The following RALGAPA1 variants were observed in gnomAD, a reference collection of about 807,000 sequenced individuals.
RALGAPA1 encodes Ral GTPase activating protein catalytic subunit alpha 1, also known as ral GTPase-activating protein subunit alpha-1.
In RALGAPA1, 52 loss-of-function variants were observed where a neutral mutation model predicts 269.6. The ratio of observed to expected loss-of-function variants is 0.19; its 90% CI spans 0.15 to 0.24. The LOEUF is 0.24. RALGAPA1 is among the 10% of genes least tolerant of loss of function. The pLI is 1.00. For synonymous variants in RALGAPA1, 817 were observed against 1,008.3 expected (o/e 0.81, Z 3.60); for missense variants, 1,917 against 3,013.9 (o/e 0.64, Z 8.52).
At chr14:35,670,775 TA>T (rs2064341786) in intron 26 of RALGAPA1, among the ~76,000 whole-genome samples, 1 of 152,038 alleles carries the variant, frequency 6.6e-6, no homozygotes, top group Admixed American at 6.6e-5. Flanking sequence ...ATAGAAAAAT[TA>T]GCTGGGTGTG....
chr14:35,708,030 A>G (rs1330323903), intron 16 of RALGAPA1, among the ~76,000 whole-genome samples: 3 of 152,274 alleles, frequency 2.0e-5, no homozygotes, highest in Non-Finnish European at 4.4e-5. Context: ...AGTATCTTCA[A>G]TAAATGGTGC....
chr14:35,796,787 C>T (rs954364003), intron 1 of RALGAPA1, among the ~76,000 whole-genome samples: 17 of 150,388 alleles, frequency 1.1e-4, no homozygotes, highest in Admixed American at 1.1e-3. Context: ...ACAAAAGTAT[C>T]CTTTTTTTTT....
In RALGAPA1 at chr14:35,683,918, A is replaced by G; in HGVS notation, c.4362T>C (p.His1454=). ...SADVDSGSGH[H]QSAEEQEVAS... is the part of the protein sequence containing the mutation. ...CCACTTCCTGCTCTTCAGCACTCTG[A>G]TGATGGCCAGAACCTGAATCCACAT... The change falls in exon 21 of 42, where the codon CAT becomes CAC. Residue 1454 remains histidine (H), a synonymous_variant. Transcript: ENST00000680220. 1.2e-6 allele frequency: 2 copies of G among 1,613,688 alleles called. No homozygotes were observed. Among genetic ancestry groups the G allele is most frequent in the Non-Finnish European group, 1.7e-6 (2 of 1,179,728 alleles).
chr14:35,568,810 A>G (rs1416814308), intron 39 of RALGAPA1, among the ~76,000 whole-genome samples: 2 of 152,236 alleles, frequency 1.3e-5, no homozygotes, highest in East Asian at 3.8e-4. Flanking sequence ...CAGACTGTAT[A>G]GTCAAAGACA....
intron 17 of RALGAPA1, among the ~76,000 whole-genome samples, chr14:35,697,325 A>G (rs944768560): frequency 2.0e-5 from 3 of 151,362 alleles, no homozygotes; most frequent in African/African-American, 4.9e-5. Context: ...TCAATTATAA[A>G]CAGTGTTTTT....
At chr14:35,553,440 T>C (rs927177829) in intron 39 of RALGAPA1, among the ~76,000 whole-genome samples, 4 of 152,282 alleles carry the variant, frequency 2.6e-5, no homozygotes, top group South Asian at 4.1e-4. Context: ...CATAAAAGAA[T>C]AGATAAAGGT....
intron 16 of RALGAPA1, among the ~76,000 whole-genome samples, chr14:35,718,318 A>G (rs1358239215): frequency 6.6e-6 from 1 of 152,174 alleles, no homozygotes; most frequent in Non-Finnish European, 1.5e-5. Flanking sequence ...TTTCATTCAC[A>G]TATGTAAAGC....
At chr14:35,672,490 A>G (rs2064549167) in intron 25 of RALGAPA1, among the ~76,000 whole-genome samples, 1 of 151,870 alleles carries the variant, frequency 6.6e-6, no homozygotes, top group Non-Finnish European at 1.5e-5. Context: ...TGACTGTTGC[A>G]TAACTAGATA....
chr14:35,569,072 A>G (rs1455491665), intron 39 of RALGAPA1, among the ~76,000 whole-genome samples: 6 of 152,238 alleles, frequency 3.9e-5, no homozygotes, highest in Non-Finnish European at 8.8e-5. Context: ...AGCTTAATCA[A>G]TGTAACATAC....
At chr14:35,661,499 AG>A (rs539687548) in intron 27 of RALGAPA1, among the ~76,000 whole-genome samples, 283 of 152,312 alleles carry the variant, frequency 1.9e-3, no homozygotes, top group Non-Finnish European at 2.5e-3. Flanking sequence ...AAGTAAATCA[AG>A]ATAGATTTGT....
At chr14:35,762,866 T>C in intron 4 of RALGAPA1, 113 bp from the exon 5 acceptor site, 1 of 673,438 alleles carries the variant, frequency 1.5e-6, no homozygotes, top group East Asian at 2.7e-5. Flanking sequence ...CTCCAAATTA[T>C]TCTTGGTGAC....
chr14:35,594,948 A>G (rs2058842275), intron 37 of RALGAPA1, among the ~76,000 whole-genome samples: 1 of 152,070 alleles, frequency 6.6e-6, no homozygotes, highest in African/African-American at 2.4e-5. Flanking sequence ...CATACAATGT[A>G]ATATTATTCA....
At chr14:35,592,191 C>T (rs1309487644) in intron 37 of RALGAPA1, among the ~76,000 whole-genome samples, 3 of 151,680 alleles carry the variant, frequency 2.0e-5, no homozygotes, top group Non-Finnish European at 4.4e-5. Flanking sequence ...GACATTACAA[C>T]AGGCACTTCA....
intron 1 of RALGAPA1, among the ~76,000 whole-genome samples, chr14:35,782,918 C>T (rs1304780978): frequency 6.6e-6 from 1 of 151,996 alleles, no homozygotes; most frequent in East Asian, 1.9e-4. Context: ...ACCTCCCAGA[C>T]TCAAGCAATC....
chr14:35,640,240 G>T (rs1201472520), intron 31 of RALGAPA1, among the ~76,000 whole-genome samples: 1 of 151,842 alleles, frequency 6.6e-6, no homozygotes, highest in Non-Finnish European at 1.5e-5. Context: ...GATCAGAGCA[G>T]AAATGAATAA....
chr14:35,765,290 C>T (rs982339734), intron 4 of RALGAPA1, among the ~76,000 whole-genome samples: 9 of 151,816 alleles, frequency 5.9e-5, no homozygotes, highest in South Asian at 2.1e-4. Context: ...CCTCTTGGTC[C>T]GATTTGTTAT....
intron 40 of RALGAPA1, among the ~76,000 whole-genome samples, 154 bp downstream of exon 40, chr14:35,548,956 T>C (rs1224926983): frequency 2.6e-5 from 4 of 152,146 alleles, no homozygotes; most frequent in Non-Finnish European, 4.4e-5. Flanking sequence ...AAAGAAACCA[T>C]AAATCAAATT....
At chr14:35,713,547 G>A (rs2068545493) in intron 16 of RALGAPA1, among the ~76,000 whole-genome samples, 1 of 152,128 alleles carries the variant, frequency 6.6e-6, no homozygotes, top group South Asian at 2.1e-4. Flanking sequence ...ATGATGAGGA[G>A]GAATCCAAAG....
At chr14:35,604,434 C>T (rs576399589) in intron 36 of RALGAPA1, among the ~76,000 whole-genome samples, 1 of 150,548 alleles carries the variant, frequency 6.6e-6, no homozygotes, top group Non-Finnish European at 1.5e-5. Context: ...CTATGTATCC[C>T]AAGGAAAAAA....
Sources: allele counts gnomAD v4.1 joint callset (sites outside exome capture counted in the v4.1 genomes callset), GRCh38; gene constraint gnomAD v4.1.1; transcripts MANE v1.5; gene names NCBI Gene and HGNC (gene_info 2026-07-23, HGNC 2026-07-21).